The following GPR21 variants were observed in gnomAD, a reference collection of about 807,000 sequenced individuals.
GPR21 encodes G protein-coupled receptor 21.
GPR21 carries 9 observed loss-of-function variants against 21.5 expected under a neutral mutation model. The observed-to-expected ratio is 0.42, with a 90% confidence interval of 0.25 to 0.73. GPR21 has a LOEUF of 0.73. Among genes scored for constraint, GPR21 ranks in the 30% least tolerant of loss-of-function variants. The probability of loss-of-function intolerance (pLI) is 0.27; values close to 1 mark genes in which losing one functional copy is unlikely to be tolerated. For missense variants in GPR21, 416 were observed against 428.9 expected (o/e 0.97, Z 0.27); for synonymous variants, 169 against 159.3 (o/e 1.06, Z -0.46).
the GPR21 span, among the ~76,000 whole-genome samples, chr9:123,043,249 A>G: frequency 1.3e-5 from 2 of 152,196 alleles, no homozygotes; most frequent in East Asian, 3.9e-4. Context: ...ACACAGGAGG[A>G]TGGTGAAAAC....
Position 123,035,003 on chromosome 9 carries a change from T to G in GPR21, c.437T>G (p.Leu146Arg). ...TYNTLVTPWR[L>R]RLCIFLIWLY... ...AATACTCTGGTTACACCCTGGAGACTACGCCTGTGTATTTTCCTGATTTGG... is the reference window on the plus strand; with the variant it reads ...AATACTCTGGTTACACCCTGGAGACGACGCCTGTGTATTTTCCTGATTTGG... The change falls in exon 2 of 2, where the codon CTA (leucine) becomes CGA (arginine). Residue 146 changes from leucine (L) to arginine (R), a missense_variant. Transcript: ENST00000616002. 6.2e-7 allele frequency: 1 copy of G among 1,613,744 alleles called. No individual in the cohort carries two copies. The highest frequency in any genetic ancestry group is 8.5e-7 in the Non-Finnish European group (1 of 1,179,590).
In GPR21 at chr9:123,035,265, C is replaced by T. The variant is rs766292656; in HGVS notation, c.699C>T (p.Ser233=). 6.4e-5 allele frequency: 103 copies of T among 1,614,180 alleles called. 3 individuals carry two copies. The South Asian group carries it at 1.1e-3, about 17-fold the overall frequency. ...TCAGCGAAAGGCAAGCCCGCTTCAG[C>T]AGCCAGAGTGGGGAGACTGGGGAAG... is the stretch of plus-strand genomic sequence containing the variant. The part of the protein sequence containing the change: ...KDISERQARF[S]SQSGETGEVQ... Residue 233 remains serine (S), a synonymous_variant, in exon 2 of 2, where the codon AGC becomes AGT. Coordinates refer to ENST00000616002, the MANE Select transcript of GPR21 (RefSeq NM_005294.3).
In GPR21 at chr9:123,035,638, CCGTGTGTGTG is replaced by C. The variant is rs762192004; in HGVS notation, c.*23_*32del. 578 of 1,159,108 alleles carry C rather than the reference CCGTGTGTGTG, an allele frequency of 5.0e-4. 1 individual carries two copies. The highest frequency in any genetic ancestry group is 6.2e-4 in the Non-Finnish European group (506 of 819,016). 71.8% of individuals were successfully genotyped at this position (1,159,108 alleles called of 1,614,324 possible). Reference sequence around the variant, plus strand: ...CTGAAGTGGCTCAGTTACGGGGTTCCCGTGTGTGTGTGTGTGTGTGTGTGTGTGTGTGTGT... The same window carrying C: ...CTGAAGTGGCTCAGTTACGGGGTTCCTGTGTGTGTGTGTGTGTGTGTGTGT... On this transcript the variant is annotated 3_prime_UTR_variant, in exon 2 of 2. Transcript: ENST00000616002.
the GPR21 span, among the ~76,000 whole-genome samples, chr9:123,049,076 T>G: frequency 1.3e-5 from 2 of 152,254 alleles, no homozygotes; most frequent in Non-Finnish European, 2.9e-5. Context: ...AATATTTCAT[T>G]AAATAAAGAG....
At chr9:123,047,188 G>A in the GPR21 span, among the ~76,000 whole-genome samples, 180 of 152,330 alleles carry the variant, frequency 1.2e-3, no homozygotes, top group Non-Finnish European at 2.3e-3. Flanking sequence ...AACGAGTTAA[G>A]ATTTTCTTTC....
chr9:123,034,870 T>G lies in GPR21; in HGVS notation c.304T>G (p.Cys102Gly). 1 of 1,614,084 alleles carries G rather than the reference T, an allele frequency of 6.2e-7. No homozygotes were observed. The highest frequency in any genetic ancestry group is 8.5e-7 in the Non-Finnish European group (1 of 1,179,942). The change falls in exon 2 of 2, where the codon TGC (cysteine) becomes GGC (glycine). Residue 102 changes from cysteine (C) to glycine (G), a missense_variant. Physicochemically the swap from Cys to Gly is radical, Grantham distance 159 (BLOSUM62 -3). Transcript: ENST00000616002. ...HPLPVEESLT[C>G]QIFGFVVSVL... ...CCTTCCAGTAGAGGAGTCCTTGACTTGCCAGATATTTGGTTTTGTAGTATC... is the reference window on the plus strand; with the variant it reads ...CCTTCCAGTAGAGGAGTCCTTGACTGGCCAGATATTTGGTTTTGTAGTATC...
downstream of GPR21, among the ~76,000 whole-genome samples, chr9:123,038,067 GT>G (rs1439808747): frequency 1.3e-5 from 2 of 152,196 alleles, no homozygotes; most frequent in African/African-American, 4.8e-5. Context: ...TGTTATATTT[GT>G]AAACTAGTTG....
In GPR21 at chr9:123,034,792, C is replaced by G; in HGVS notation, c.226C>G (p.Leu76Val). The change falls in exon 2 of 2, where the codon CTT becomes GTT. Residue 76 changes from leucine (L) to valine (V), a missense_variant. Coordinates refer to ENST00000616002, the MANE Select transcript of GPR21 (RefSeq NM_005294.3). ...TATCCAGACTATGGCATATGCTGAC[C>G]TTTTTGTTGGGGTGAGCTGCGTGGT... ...YFIQTMAYAD[L>V]FVGVSCVVPS... 1 of 1,613,872 alleles carries G rather than the reference C, an allele frequency of 6.2e-7. No homozygotes were observed. Among genetic ancestry groups the G allele is most frequent in the Non-Finnish European group, 8.5e-7 (1 of 1,179,830 alleles).
chr9:123,035,650 G>A lies in GPR21; in HGVS notation c.*34G>A, dbSNP rs2032607732. 1 of 49,418 alleles carries A rather than the reference G, an allele frequency of 2.0e-5. No individual in the cohort carries two copies. The highest frequency in any genetic ancestry group is 1.6e-4 in the East Asian group (1 of 6,366). 3.1% of individuals were successfully genotyped at this position (49,418 alleles called of 1,614,324 possible). On this transcript the variant is annotated 3_prime_UTR_variant, in exon 2 of 2. Transcript: ENST00000616002. ...AGTTACGGGGTTCCCGTGTGTGTGT[G>A]TGTGTGTGTGTGTGTGTGTGTGTGT... is the stretch of plus-strand genomic sequence containing the variant.
At chr9:123,041,953 C>G in the GPR21 span, among the ~76,000 whole-genome samples, 1 of 152,128 alleles carries the variant, frequency 6.6e-6, no homozygotes, top group Non-Finnish European at 1.5e-5. Context: ...AATCCCCATC[C>G]CACCTGAATC....
In GPR21 at chr9:123,034,729, T is replaced by C. The variant is rs1588305883; in HGVS notation, c.163T>C (p.Cys55Arg). Residue 55 changes from cysteine to arginine, a missense_variant, in exon 2 of 2, where the codon TGT becomes CGT. Coordinates refer to ENST00000616002, the MANE Select transcript of GPR21 (RefSeq NM_005294.3). The part of the protein sequence containing the change: ...GNIIVIFVFH[C>R]APLLNHHTTS... The stretch of plus-strand genomic sequence containing the variant: ...CATCATTGTGATTTTTGTATTTCAC[T>C]GTGCACCTTTGTTGAACCATCACAC... 6.2e-7 allele frequency: 1 copy of C among 1,613,924 alleles called. No homozygotes were observed. Among genetic ancestry groups the C allele is most frequent in the African/African-American group, 1.3e-5 (1 of 75,060 alleles).
At chr9:123,037,951 C>G (rs2032752645), downstream of GPR21, among the ~76,000 whole-genome samples, 1 of 152,118 alleles carries the variant, frequency 6.6e-6, no homozygotes, top group Non-Finnish European at 1.5e-5. Context: ...GGCGGGATAG[C>G]TCATTTAACT....
chr9:123,047,731 C>T, the GPR21 span, among the ~76,000 whole-genome samples: 1 of 151,880 alleles, frequency 6.6e-6, no homozygotes, highest in Non-Finnish European at 1.5e-5. Context: ...AAGGTTGAAA[C>T]CTCAGAATAT....
the GPR21 span, among the ~76,000 whole-genome samples, chr9:123,043,676 G>T: frequency 6.6e-6 from 1 of 151,974 alleles, no homozygotes; most frequent in African/African-American, 2.4e-5. Context: ...AGCTACAGTA[G>T]CATCTTCCAT....
the GPR21 span, among the ~76,000 whole-genome samples, chr9:123,044,112 C>A: frequency 3.3e-5 from 5 of 151,878 alleles, no homozygotes; most frequent in African/African-American, 4.8e-5. Flanking sequence ...ACCATGTTAT[C>A]CAGGATGGTC....
In GPR21 at chr9:123,034,530, C is replaced by T. The variant is rs372653689; in HGVS notation, c.-37C>T. 24 of 1,327,876 alleles carry T rather than the reference C, an allele frequency of 1.8e-5. No individual in the cohort carries two copies. The highest frequency in any genetic ancestry group is 1.7e-4 in the Admixed American group (9 of 51,634). 82.3% of individuals were successfully genotyped at this position (1,327,876 alleles called of 1,614,324 possible). A position where few individuals can be genotyped will look rare whatever the true frequency, so the allele number is the denominator to read the frequency against. ...CTTTGAACTGTTGGCAGCAGCCAAG[C>T]GGCAGCATGAAGTGACAGATCACTC... On this transcript the variant is annotated 5_prime_UTR_variant, in exon 2 of 2. Coordinates refer to ENST00000616002, the MANE Select transcript of GPR21 (RefSeq NM_005294.3).
the GPR21 span, among the ~76,000 whole-genome samples, chr9:123,043,400 A>G: frequency 6.6e-6 from 1 of 152,192 alleles, no homozygotes; most frequent in Non-Finnish European, 1.5e-5. Flanking sequence ...CACCATGGTG[A>G]GAAGAATTTA....
At chr9:123,035,639 CGTGTGTGTGTGTGTGT>C (rs5900552) in exon 2 of GPR21, 2,726 of 729,740 alleles carry the variant, frequency 3.7e-3, 6 homozygotes, top group African/African-American at 9.8e-3. Context: ...ACGGGGTTCC[CGTGTGTGTGTGTGTGT>C]GTGTGTGTGT....
downstream of GPR21, among the ~76,000 whole-genome samples, chr9:123,040,443 A>G (rs1249620336): frequency 6.6e-6 from 1 of 152,212 alleles, no homozygotes; most frequent in African/African-American, 2.4e-5. Flanking sequence ...TATTGAGATC[A>G]TAGTAAAAGG....
Sources: gnomAD v4.1 joint callset for allele counts (sites outside exome capture counted in the v4.1 genomes callset) on GRCh38, gnomAD v4.1.1 for gene constraint, MANE v1.5 for transcripts, NCBI Gene and HGNC (gene_info 2026-07-23, HGNC 2026-07-21) for gene names.